Variants in ZNF609 observed in about 807,000 individuals in gnomAD.
The protein encoded by ZNF609 is zinc finger protein 609.
ZNF609 carries 11 observed loss-of-function variants against 109.5 expected under a neutral mutation model. The ratio of observed to expected loss-of-function variants is 0.10; its 90% CI spans 0.06 to 0.17. The LOEUF is 0.17. Among genes scored for constraint, ZNF609 ranks in the 10% least tolerant of loss-of-function variants. The probability of loss-of-function intolerance (pLI) is 1.00; values close to 1 mark genes in which losing one functional copy is unlikely to be tolerated. For synonymous variants in ZNF609, 646 were observed against 662.0 expected (o/e 0.98, Z 0.37); for missense variants, 1,559 against 1,772.4 (o/e 0.88, Z 2.16).
chr15:64,656,399 C>T lies in ZNF609; in HGVS notation c.974-13947C>T. 1.3e-5 allele frequency among the ~76,000 whole-genome samples: 2 copies of T among 152,062 alleles called. 1 individual carries two copies. The highest frequency in any genetic ancestry group is 3.9e-4 in the East Asian group (2 of 5,184). On this transcript the variant is annotated intron_variant, in intron 3 of 9. Transcript: ENST00000326648. Reference sequence around the variant, plus strand: ...TATAACTTATTTTAATATATTAGCCCACCAATCAGTAACAATTAACAAATA... The same window carrying T: ...TATAACTTATTTTAATATATTAGCCTACCAATCAGTAACAATTAACAAATA...
intron 3 of ZNF609, among the ~76,000 whole-genome samples, chr15:64,667,575 T>C (rs1158666634): frequency 2.6e-5 from 4 of 151,258 alleles, no homozygotes; most frequent in Non-Finnish European, 5.9e-5. Flanking sequence ...AGCCCGGGCA[T>C]GGTGGCACCT....
intron 1 of ZNF609, among the ~76,000 whole-genome samples, chr15:64,469,044 AAAAAAAAAAAAACAAC>A (rs988655982): frequency 6.4e-5 from 9 of 140,352 alleles, no homozygotes; most frequent in Non-Finnish European, 1.4e-4. Context: ...CTTAAAAAAA[AAAAAAAAAAAAACAAC>A]ACAATTCAGC....
chr15:64,637,692 G>C (rs1896195947), intron 3 of ZNF609, among the ~76,000 whole-genome samples: 1 of 151,976 alleles, frequency 6.6e-6, no homozygotes, highest in Admixed American at 6.6e-5. Flanking sequence ...CTTTTACGAA[G>C]TGTCTGTTCA....
intron 1 of ZNF609, among the ~76,000 whole-genome samples, chr15:64,491,662 C>G (rs944580325): frequency 6.6e-6 from 1 of 151,648 alleles, no homozygotes; most frequent in African/African-American, 2.4e-5. Flanking sequence ...GCTTGGCCAA[C>G]GTGGTGAAAC....
chr15:64,644,752 TG>T (rs1202329467), intron 3 of ZNF609, among the ~76,000 whole-genome samples: 11 of 152,234 alleles, frequency 7.2e-5, no homozygotes, highest in South Asian at 2.1e-4. Flanking sequence ...GCAAAATTGA[TG>T]GATGAGCTCT....
intron 6 of ZNF609, among the ~76,000 whole-genome samples, chr15:64,678,960 G>C (rs1352931049): frequency 6.6e-6 from 1 of 152,230 alleles, no homozygotes; most frequent in Non-Finnish European, 1.5e-5. Flanking sequence ...GGATTCAGTT[G>C]CCAGATCATG....
intron 2 of ZNF609, among the ~76,000 whole-genome samples, chr15:64,533,579 G>T (rs867771499): frequency 6.6e-6 from 1 of 152,082 alleles, no homozygotes; most frequent in Non-Finnish European, 1.5e-5. Context: ...AAATATTGTT[G>T]TCTCCTCTCT....
Position 64,516,743 on chromosome 15 carries a change from A to AAT in ZNF609, c.747+16588_747+16589dup, listed in dbSNP as rs200092934. On this transcript the variant is annotated intron_variant, in intron 2 of 9. Coordinates refer to ENST00000326648, the MANE Select transcript of ZNF609 (RefSeq NM_015042.2). ...CACTATATACTGGGCATTTATTAAG[A>AAT]ATATATATATATTTTTAATCTTGTA... is the stretch of plus-strand genomic sequence containing the variant. Among the ~76,000 whole-genome samples the AAT allele has an allele frequency of 8.5e-4, 129 of 152,172 alleles. No homozygotes were observed. The South Asian group carries it at 0.024, about 28-fold the overall frequency.
chr15:64,513,763 T>C (rs1420371765), intron 2 of ZNF609, among the ~76,000 whole-genome samples: 1 of 152,114 alleles, frequency 6.6e-6, no homozygotes, highest in African/African-American at 2.4e-5. Context: ...ATGCTTATAT[T>C]ATGAGAGGCA....
chr15:64,494,954 A>G (rs1893461756), intron 1 of ZNF609, among the ~76,000 whole-genome samples: 1 of 152,342 alleles, frequency 6.6e-6, no homozygotes, highest in South Asian at 2.1e-4. Context: ...TGTGCTCTGT[A>G]GTACATCCTT....
chr15:64,670,649 C>T (rs1896712111), intron 4 of ZNF609, among the ~76,000 whole-genome samples: 1 of 151,982 alleles, frequency 6.6e-6, no homozygotes, highest in Non-Finnish European at 1.5e-5. Flanking sequence ...GAGGCTGAGG[C>T]AGGCGGATCA....
intron 2 of ZNF609, among the ~76,000 whole-genome samples, chr15:64,561,552 C>CTTTT (rs771022478): frequency 7.7e-6 from 1 of 129,908 alleles, no homozygotes; most frequent in Non-Finnish European, 1.7e-5. Flanking sequence ...TTTTCTTTTT[C>CTTTT]TTTTTTTTTT....
intron 1 of ZNF609, among the ~76,000 whole-genome samples, chr15:64,463,175 G>A (rs1363528351): frequency 6.6e-6 from 1 of 152,080 alleles, no homozygotes; most frequent in Non-Finnish European, 1.5e-5. Context: ...TGGGAAGATC[G>A]CTTGAGTTCA....
intron 3 of ZNF609, among the ~76,000 whole-genome samples, chr15:64,659,158 C>G (rs1314579678): frequency 6.6e-6 from 1 of 152,060 alleles, no homozygotes; most frequent in Non-Finnish European, 1.5e-5. Context: ...TCCTCATTAC[C>G]CATTGTTGTT....
Position 64,674,502 on chromosome 15 carries a change from G to A in ZNF609, c.1648G>A (p.Gly550Ser), listed in dbSNP as rs200080636. 73 of 1,614,020 alleles carry A rather than the reference G, an allele frequency of 4.5e-5. No individual in the cohort carries two copies. The highest frequency in any genetic ancestry group is 4.1e-4 in the South Asian group (37 of 91,074). The change falls in exon 5 of 10, where the codon GGT becomes AGT. Residue 550 changes from glycine to serine, a missense_variant. Transcript: ENST00000326648. ...ILHADLGSCN[G>S]ASVSQKGSLS... is the part of the protein sequence containing the mutation. ...CCATGCAGATCTTGGGAGCTGCAAC[G>A]GTGCATCTGTCTCACAAAAAGGTTC...
Position 64,675,141 on chromosome 15 carries a change from T to C in ZNF609, c.2287T>C (p.Ser763Pro). The C allele has an allele frequency of 1.2e-6, 2 of 1,614,034 alleles. No individual in the cohort carries two copies. Among genetic ancestry groups the C allele is most frequent in the South Asian group, 2.2e-5 (2 of 91,072 alleles). Residue 763 changes from serine (S) to proline (P), a missense_variant, in exon 5 of 10, where the codon TCT becomes CCT. Transcript: ENST00000326648. ...AEEGKSPFRE[S>P]SGDGMKMEGL... ...GGAAGGCAAAAGCCCATTCAGGGAA[T>C]CTTCAGGAGATGGGATGAAAATGGA... is the stretch of plus-strand genomic sequence containing the variant.
At chr15:64,619,287 A>G (rs926656522) in intron 2 of ZNF609, among the ~76,000 whole-genome samples, 3 of 152,198 alleles carry the variant, frequency 2.0e-5, no homozygotes, top group African/African-American at 7.2e-5. Flanking sequence ...GGCTTGAGCC[A>G]TTGCACCCAG....
At chr15:64,486,380 C>T (rs151083197) in intron 1 of ZNF609, among the ~76,000 whole-genome samples, 61 of 152,034 alleles carry the variant, frequency 4.0e-4, no homozygotes, top group African/African-American at 1.4e-3. Context: ...AAAAATTAGC[C>T]GGGTGTGGCG....
chr15:64,463,564 T>C (rs1393824290), intron 1 of ZNF609, among the ~76,000 whole-genome samples: 1 of 152,238 alleles, frequency 6.6e-6, no homozygotes, highest in Admixed American at 6.5e-5. Flanking sequence ...TAGGATAGTG[T>C]TGAATAAGAA....
Sources: allele counts gnomAD v4.1 joint callset (sites outside exome capture counted in the v4.1 genomes callset), GRCh38; gene constraint gnomAD v4.1.1; transcripts MANE v1.5; gene names NCBI Gene and HGNC (gene_info 2026-07-23, HGNC 2026-07-21).